The following ATAD1 variants were observed in gnomAD, a reference collection of about 807,000 sequenced individuals.
The protein encoded by ATAD1 is outer mitochondrial transmembrane helix translocase.
Under a neutral mutation model 42.7 loss-of-function variants are expected in ATAD1, and 18 were observed. That is an observed-to-expected ratio of 0.42 (90% CI 0.29 to 0.63). ATAD1 has a LOEUF of 0.63. ATAD1 is among the 20% of genes least tolerant of loss of function. The pLI, the probability that ATAD1 is intolerant of heterozygous loss-of-function variation, is 0.19. For synonymous variants in ATAD1, 132 were observed against 143.1 expected (o/e 0.92, Z 0.55); for missense variants, 294 against 440.4 (o/e 0.67, Z 2.98).
chr10:87,807,872 T>A (rs949418196), intron 2 of ATAD1, among the ~76,000 whole-genome samples: 1 of 152,210 alleles, frequency 6.6e-6, no homozygotes, highest in African/African-American at 2.4e-5. Context: ...TTTATAGACT[T>A]TTGTTCTTCC....
rs775892451 is a variant in ATAD1 at position 87,784,498 on chromosome 10, T to C, written c.555A>G (p.Gln185=). ...AAVFSLAIKL[Q]PSIIFIDEID... The stretch of plus-strand genomic sequence containing the variant: ...TTTCATCTATAAAGATGATGGATGG[T>C]TGTAGCTTTATGGCAAGGGAGAAGA... The change falls in exon 5 of 10, where the codon CAA becomes CAG. Residue 185 remains glutamine, a synonymous_variant. Transcript: ENST00000680024. The C allele has an allele frequency of 6.2e-7, 1 of 1,613,502 alleles. No homozygotes were observed. Among genetic ancestry groups the C allele is most frequent in the Non-Finnish European group, 8.5e-7 (1 of 1,179,700 alleles).
At chr10:87,780,051 G>A (rs1429828649) in intron 5 of ATAD1, among the ~76,000 whole-genome samples, 1 of 152,094 alleles carries the variant, frequency 6.6e-6, no homozygotes, top group Non-Finnish European at 1.5e-5. Flanking sequence ...ACTCCTAATT[G>A]CCCAAAACAA....
intron 9 of ATAD1, 86 bp from the exon 10 acceptor site, chr10:87,754,893 C>T: frequency 6.8e-7 from 1 of 1,470,920 alleles, no homozygotes; most frequent in Non-Finnish European, 9.0e-7. Flanking sequence ...AAAAGAGATG[C>T]ATGTGGTAAA....
At chr10:87,801,930 T>C (rs1197246268) in intron 2 of ATAD1, among the ~76,000 whole-genome samples, 1 of 152,238 alleles carries the variant, frequency 6.6e-6, no homozygotes, top group Non-Finnish European at 1.5e-5. Flanking sequence ...GTTATCTTTT[T>C]GACTTTTTGC....
rs1188846970 is a variant in ATAD1 at position 87,767,517 on chromosome 10, T to C, written c.831+156A>G. On this transcript the variant is annotated intron_variant, in intron 8 of 9. Transcript: ENST00000680024. Reference sequence around the variant, plus strand: ...GCTCACCTCCTGCTGTGCGGCCCAGTTCCTAACAGGCCATAGACCAGTACC... The same window carrying C: ...GCTCACCTCCTGCTGTGCGGCCCAGCTCCTAACAGGCCATAGACCAGTACC... 2.0e-5 allele frequency among the ~76,000 whole-genome samples: 3 copies of C among 152,180 alleles called. No individual in the cohort carries two copies. In the East Asian group the frequency reaches 5.8e-4, roughly 29 times the overall value.
At chr10:87,818,047 C>T in intron 1 of ATAD1, 120 bp downstream of exon 1, 2 of 985,690 alleles carry the variant, frequency 2.0e-6, no homozygotes, top group Non-Finnish European at 2.4e-6. Flanking sequence ...TGAGGTAGGG[C>T]GTGGGAGAAG....
intron 2 of ATAD1, among the ~76,000 whole-genome samples, chr10:87,797,388 AC>A (rs1352420046): frequency 2.0e-5 from 3 of 152,238 alleles, no homozygotes; most frequent in African/African-American, 4.8e-5. Flanking sequence ...TCTTAAAAAA[AC>A]AAATGTTCTT....
At chr10:87,804,717 C>T (rs1856845996) in intron 2 of ATAD1, among the ~76,000 whole-genome samples, 1 of 152,114 alleles carries the variant, frequency 6.6e-6, no homozygotes, top group South Asian at 2.1e-4. Flanking sequence ...TTTATAAATT[C>T]CCAAGACAGT....
At chr10:87,818,038 GAGGT>G in intron 1 of ATAD1, 125 bp downstream of exon 1, 1 of 985,778 alleles carries the variant, frequency 1.0e-6, no homozygotes, top group Non-Finnish European at 1.2e-6. Context: ...GGGCGGCACT[GAGGT>G]AGGGCGTGGG....
chr10:87,812,077 C>T (rs1400879974), intron 2 of ATAD1, among the ~76,000 whole-genome samples: 1 of 152,138 alleles, frequency 6.6e-6, no homozygotes, highest in Non-Finnish European at 1.5e-5. Context: ...TTCCTTTTGT[C>T]ACCCTCTTAT....
intron 6 of ATAD1, 57 bp from the exon 7 acceptor site, chr10:87,771,098 A>G: frequency 1.5e-6 from 2 of 1,328,626 alleles, no homozygotes; most frequent in South Asian, 2.6e-5. Flanking sequence ...TCCTCTGAGA[A>G]TGTTATTACT....
intron 4 of ATAD1, among the ~76,000 whole-genome samples, chr10:87,789,719 C>T (rs1348386952): frequency 6.6e-6 from 1 of 151,212 alleles, no homozygotes; most frequent in Non-Finnish European, 1.5e-5. Flanking sequence ...GAGACCCCAT[C>T]TCAAAAAGAA....
intron 1 of ATAD1, among the ~76,000 whole-genome samples, chr10:87,840,953 T>C (rs1440540544): frequency 6.6e-6 from 1 of 152,212 alleles, no homozygotes; most frequent in Admixed American, 6.5e-5. Flanking sequence ...TGTAGTCTTT[T>C]AGTCACGGAG....
intron 2 of ATAD1, among the ~76,000 whole-genome samples, chr10:87,794,810 C>T (rs1459007822): frequency 6.6e-6 from 1 of 152,008 alleles, no homozygotes; most frequent in African/African-American, 2.4e-5. Context: ...TCTGGAACTT[C>T]CTAAATAAAA....
chr10:87,820,694 T>C (rs935126617), upstream of ATAD1, among the ~76,000 whole-genome samples: 1 of 152,194 alleles, frequency 6.6e-6, no homozygotes, highest in African/African-American at 2.4e-5. Context: ...TTTCCAGTGG[T>C]TCAGCCACTG....
chr10:87,828,637 T>A (rs911900899), intron 1 of ATAD1, among the ~76,000 whole-genome samples: 3 of 152,204 alleles, frequency 2.0e-5, no homozygotes, highest in African/African-American at 7.2e-5. Context: ...TAAACACAGA[T>A]TTTCAATGTA....
At chr10:87,804,521 T>C (rs1215352489) in intron 2 of ATAD1, among the ~76,000 whole-genome samples, 1 of 151,864 alleles carries the variant, frequency 6.6e-6, no homozygotes, top group East Asian at 1.9e-4. Context: ...AGGCACCCAT[T>C]ACCATGTCCA....
At chr10:87,839,850 C>A (rs1234643844) in intron 1 of ATAD1, among the ~76,000 whole-genome samples, 1 of 152,112 alleles carries the variant, frequency 6.6e-6, no homozygotes, top group African/African-American at 2.4e-5. Context: ...GATCTTTATC[C>A]TCTTTAAAAA....
intron 1 of ATAD1, among the ~76,000 whole-genome samples, chr10:87,828,261 C>A (rs1203686460): frequency 6.6e-6 from 1 of 152,200 alleles, no homozygotes; most frequent in South Asian, 2.1e-4. Context: ...CTGTGTCTGG[C>A]CTAGAAAAGT....
Sources: gnomAD v4.1 joint callset for allele counts (sites outside exome capture counted in the v4.1 genomes callset) on GRCh38, gnomAD v4.1.1 for gene constraint, MANE v1.5 for transcripts, NCBI Gene and HGNC (gene_info 2026-07-23, HGNC 2026-07-21) for gene names.